ITPR1: variants seen among roughly 807,000 people sequenced by gnomAD.
ITPR1 encodes inositol 1,4,5-trisphosphate receptor type 1, also known as inositol 1,4,5-trisphosphate-gated calcium channel ITPR1.
A neutral mutation model predicts 318.4 loss-of-function variants in ITPR1; 96 were observed. That is an observed-to-expected ratio of 0.30 (90% confidence interval 0.26 to 0.36). The LOEUF is 0.36. Ranked by LOEUF, ITPR1 falls within the 10% of genes least tolerant of loss-of-function variation. The probability of loss-of-function intolerance (pLI) is 1.00; values close to 1 mark genes in which losing one functional copy is unlikely to be tolerated. For missense variants in ITPR1, 2,440 were observed against 3,460.2 expected, an observed-to-expected ratio of 0.71 and a Z score of 7.40; for synonymous variants, 1,312 against 1,289.9, an observed-to-expected ratio of 1.02 and a Z score of -0.37.
At chr3:4,620,132 T>C (rs1458732237) in intron 4 of ITPR1, among the ~76,000 whole-genome samples, 1 of 152,150 alleles carries the variant, frequency 6.6e-6, no homozygotes, top group Non-Finnish European at 1.5e-5. Context: ...TGAGCTATAG[T>C]TAGAAGACGA....
rs761530805 is a variant in ITPR1, at chr3:4,768,784, G to A, written c.5979+20G>A. ...CTGCAGGTGAGGGCCTGGGGGTGGG[G>A]GCGTGGAGGGAGCTCGGGAAAGGCT... On this transcript the variant is annotated intron_variant, in intron 46 of 61. Coordinates refer to ENST00000649015, the MANE Select transcript of ITPR1 (RefSeq NM_001378452.1). The A allele has an allele frequency of 1.4e-5, 22 of 1,595,696 alleles. No homozygotes were observed. The highest frequency in any genetic ancestry group is 1.1e-4 in the South Asian group (10 of 89,982).
At chr3:4,768,405 G>A (rs763289775) in intron 45 of ITPR1, 106 bp from the exon 46 acceptor site, 49 of 1,309,320 alleles carry the variant, frequency 3.7e-5, no homozygotes, top group Middle Eastern at 1.9e-4. Context: ...AACTTTGAAC[G>A]TCTCTAGGAG....
At chr3:4,678,457 A>G (rs997382721) in intron 24 of ITPR1, among the ~76,000 whole-genome samples, 1 of 152,218 alleles carries the variant, frequency 6.6e-6, no homozygotes, top group Admixed American at 6.5e-5. Flanking sequence ...TGACCTAAGA[A>G]GGATTGGTCG....
At chr3:4,753,601 T>C (rs1282596452) in intron 44 of ITPR1, among the ~76,000 whole-genome samples, 1 of 151,942 alleles carries the variant, frequency 6.6e-6, no homozygotes, top group Non-Finnish European at 1.5e-5. Context: ...CGAGAGTCAG[T>C]TGAGTTGGGA....
chr3:4,755,755 C>T (rs1028977291), intron 44 of ITPR1, among the ~76,000 whole-genome samples: 15 of 152,232 alleles, frequency 9.9e-5, no homozygotes, highest in African/African-American at 3.6e-4. Context: ...GCGTCTGCCC[C>T]ACCCTTGCCT....
intron 2 of ITPR1, among the ~76,000 whole-genome samples, chr3:4,495,972 A>T (rs543515332): frequency 6.6e-6 from 1 of 152,236 alleles, no homozygotes; most frequent in Non-Finnish European, 1.5e-5. Flanking sequence ...TGTAGCCACA[A>T]ACATAGGGAT....
At chr3:4,639,598 C>T (rs1280597433) in intron 6 of ITPR1, 128 bp downstream of exon 6, 1 of 682,430 alleles carries the variant, frequency 1.5e-6, no homozygotes, top group African/African-American at 1.8e-5. Flanking sequence ...CAGTTTATTG[C>T]AAAAAGTCTA....
intron 35 of ITPR1, among the ~76,000 whole-genome samples, chr3:4,700,934 A>G (rs527290339): frequency 6.6e-6 from 1 of 152,180 alleles, no homozygotes; most frequent in East Asian, 1.9e-4. Flanking sequence ...CTCATTCACT[A>G]TCATGAGAAC....
chr3:4,797,761 T>C (rs1575288510), intron 53 of ITPR1, among the ~76,000 whole-genome samples: 1 of 152,388 alleles, frequency 6.6e-6, no homozygotes, highest in East Asian at 1.9e-4. Flanking sequence ...TTAACAATTT[T>C]GCCTATCTTG....
intron 10 of ITPR1, among the ~76,000 whole-genome samples, chr3:4,650,606 AGTGTGTGTGT>A (rs1177734281): frequency 1.5e-5 from 2 of 137,396 alleles, no homozygotes; most frequent in South Asian, 2.2e-4. Flanking sequence ...GATATGCCTT[AGTGTGTGTGT>A]GTGTGTGTGT....
intron 45 of ITPR1, among the ~76,000 whole-genome samples, chr3:4,767,371 C>T (rs2045886010): frequency 6.6e-6 from 1 of 152,268 alleles, no homozygotes; most frequent in African/African-American, 2.4e-5. Flanking sequence ...TATCTCCAGA[C>T]ATTGCCAGTT....
chr3:4,599,274 T>C (rs897203812), intron 4 of ITPR1, among the ~76,000 whole-genome samples: 1 of 152,228 alleles, frequency 6.6e-6, no homozygotes, highest in African/African-American at 2.4e-5. Flanking sequence ...TGGCCTTCAC[T>C]CTCTGTAGCT....
chr3:4,700,920 G>A (rs772760116), intron 35 of ITPR1, among the ~76,000 whole-genome samples: 39 of 152,118 alleles, frequency 2.6e-4, no homozygotes, highest in Admixed American at 1.0e-3. Context: ...CAGATCATGC[G>A]AGACTCATTC....
rs370781648 is a variant in ITPR1 at position 4,662,204 on chromosome 3, G to A, written c.1374G>A (p.Gly458=). Residue 458 remains glycine (G), a synonymous_variant, in exon 15 of 62, where the codon GGG becomes GGA. Coordinates refer to ENST00000649015, the MANE Select transcript of ITPR1 (RefSeq NM_001378452.1). Reference sequence around the variant, plus strand: ...GCAAGGTGCTGGGCTCCATTGCTGGGAAGCTAGAGAAGGGCACCATCACCC... The same window carrying A: ...GCAAGGTGCTGGGCTCCATTGCTGGAAAGCTAGAGAAGGGCACCATCACCC... The part of the protein sequence containing the change: ...DASKVLGSIA[G]KLEKGTITQN... 4 of 1,611,860 alleles carry A rather than the reference G, an allele frequency of 2.5e-6. No individual in the cohort carries two copies. The highest frequency in any genetic ancestry group is 3.4e-6 in the Non-Finnish European group (4 of 1,178,636).
chr3:4,673,575 G>GT (rs960593147), intron 21 of ITPR1, among the ~76,000 whole-genome samples, 188 bp downstream of exon 21: 2 of 133,270 alleles, frequency 1.5e-5, no homozygotes, highest in African/African-American at 5.4e-5. Flanking sequence ...TATGTTTTTG[G>GT]TTTTTGTTTG....
chr3:4,685,701 G>T (rs2125236565), intron 30 of ITPR1, among the ~76,000 whole-genome samples: 1 of 152,316 alleles, frequency 6.6e-6, no homozygotes, highest in Non-Finnish European at 1.5e-5. Context: ...TTCTGTTGCT[G>T]GAAGTTGTAC....
intron 20 of ITPR1, 69 bp from the exon 21 acceptor site, chr3:4,673,067 C>T: frequency 1.3e-6 from 2 of 1,535,576 alleles, no homozygotes; most frequent in African/African-American, 1.4e-5. Flanking sequence ...CAGGGCTGCC[C>T]AGACGACCCT....
chr3:4,805,141 G>A, intron 54 of ITPR1, among the ~76,000 whole-genome samples: 1 of 152,182 alleles, frequency 6.6e-6, no homozygotes, highest in African/African-American at 2.4e-5. Flanking sequence ...AATATGTATT[G>A]GTTCATTTTG....
chr3:4,820,810 C>T (rs2049658632), intron 60 of ITPR1, among the ~76,000 whole-genome samples: 1 of 152,242 alleles, frequency 6.6e-6, no homozygotes, highest in Non-Finnish European at 1.5e-5. Flanking sequence ...AGGCTTGAAA[C>T]CACATGAATC....
Sources: gnomAD v4.1 joint callset for allele counts (sites outside exome capture counted in the v4.1 genomes callset) on GRCh38, gnomAD v4.1.1 for gene constraint, MANE v1.5 for transcripts, NCBI Gene and HGNC (gene_info 2026-07-23, HGNC 2026-07-21) for gene names.